The following EPHA6 variants were observed in gnomAD, a reference collection of about 807,000 sequenced individuals.
The protein encoded by EPHA6 is EPH receptor A6.
A neutral mutation model predicts 112.0 loss-of-function variants in EPHA6; 50 were observed. That is an observed-to-expected ratio of 0.45 (90% CI 0.36 to 0.56). The LOEUF is 0.56. Among genes scored for constraint, EPHA6 ranks in the 20% least tolerant of loss-of-function variants. The pLI, the probability that EPHA6 is intolerant of heterozygous loss-of-function variation, is 0.00. For synonymous variants in EPHA6, 529 were observed against 490.7 expected (o/e 1.08, Z -1.03); for missense variants, 1,280 against 1,417.4 (o/e 0.90, Z 1.56).
chr3:97,623,288 T>C (rs1394946556), intron 13 of EPHA6, among the ~76,000 whole-genome samples: 1 of 151,786 alleles, frequency 6.6e-6, no homozygotes, highest in Non-Finnish European at 1.5e-5. Context: ...ACATATGTTT[T>C]AGGTAAAGAT....
Position 97,142,736 on chromosome 3 carries a change from A to G in EPHA6, c.1115-83528A>G, listed in dbSNP as rs562933122. 3.3e-5 allele frequency among the ~76,000 whole-genome samples: 5 copies of G among 151,912 alleles called. No individual in the cohort carries two copies. In the South Asian group the frequency reaches 6.2e-4, roughly 19 times the overall value. ...ATTCACAGCCCAATCTTACCAGACT[A>G]TCTATCTCAATAGACACAGAAAAAG... On this transcript the variant is annotated intron_variant, in intron 3 of 17. Coordinates refer to ENST00000389672, the MANE Select transcript of EPHA6 (RefSeq NM_001080448.3).
At chr3:96,923,521 A>G (rs1030485007) in intron 2 of EPHA6, among the ~76,000 whole-genome samples, 1 of 151,708 alleles carries the variant, frequency 6.6e-6, no homozygotes, top group Admixed American at 6.6e-5. Flanking sequence ...TACCTTGTAG[A>G]TGCTGGATGT....
chr3:97,606,930 A>C (rs953780579), intron 12 of EPHA6, among the ~76,000 whole-genome samples: 1 of 151,080 alleles, frequency 6.6e-6, no homozygotes, highest in African/African-American at 2.4e-5. Context: ...TACAGTGATA[A>C]TCTAAGTTAT....
At chr3:97,695,075 G>T (rs1164924565) in intron 14 of EPHA6, among the ~76,000 whole-genome samples, 2 of 152,068 alleles carry the variant, frequency 1.3e-5, no homozygotes, top group African/African-American at 4.8e-5. Flanking sequence ...CCAGAGCAAA[G>T]GTACATGTGA....
At chr3:97,671,846 G>T (rs1017527423) in intron 14 of EPHA6, among the ~76,000 whole-genome samples, 1 of 151,642 alleles carries the variant, frequency 6.6e-6, no homozygotes, top group African/African-American at 2.4e-5. Context: ...AAAAAAAAAA[G>T]CAGAAATAGA....
At chr3:96,853,031 C>T (rs1414724869) in intron 1 of EPHA6, among the ~76,000 whole-genome samples, 1 of 152,086 alleles carries the variant, frequency 6.6e-6, no homozygotes, top group Non-Finnish European at 1.5e-5. Flanking sequence ...ATTTTGACTT[C>T]CGCATTCAGA....
chr3:97,614,200 A>T (rs2093743871), intron 13 of EPHA6, among the ~76,000 whole-genome samples: 1 of 152,020 alleles, frequency 6.6e-6, no homozygotes, highest in Admixed American at 6.6e-5. Context: ...CCACAAAAAA[A>T]TTCCTTTGTT....
intron 10 of EPHA6, among the ~76,000 whole-genome samples, chr3:97,493,625 G>C (rs767328795): frequency 1.9e-4 from 28 of 149,932 alleles, no homozygotes; most frequent in African/African-American, 6.6e-4. Context: ...TTAGTCCTCT[G>C]TGTGTGTGTG....
intron 3 of EPHA6, among the ~76,000 whole-genome samples, chr3:97,156,286 A>T (rs1456451691): frequency 1.3e-5 from 2 of 152,180 alleles, no homozygotes; most frequent in East Asian, 3.9e-4. Context: ...CCTGTGTGGT[A>T]AATGGCCATA....
At chr3:97,108,115 C>T (rs1299396794) in intron 3 of EPHA6, among the ~76,000 whole-genome samples, 2 of 152,126 alleles carry the variant, frequency 1.3e-5, no homozygotes, top group Non-Finnish European at 2.9e-5. Flanking sequence ...CTTTCCAAAT[C>T]ATGCAGTGCC....
At chr3:97,615,801 T>C (rs1442242271) in intron 13 of EPHA6, among the ~76,000 whole-genome samples, 2 of 152,158 alleles carry the variant, frequency 1.3e-5, no homozygotes, top group Non-Finnish European at 2.9e-5. Context: ...TCCTGTGTTC[T>C]CCAGCCCAAC....
At chr3:97,258,010 T>TA in intron 5 of EPHA6, among the ~76,000 whole-genome samples, 2 of 152,178 alleles carry the variant, frequency 1.3e-5, no homozygotes, top group Middle Eastern at 6.8e-3. Context: ...ATTATTTCTG[T>TA]AAAATTATTT....
chr3:97,094,241 G>A (rs2047167858), intron 3 of EPHA6, among the ~76,000 whole-genome samples: 1 of 151,946 alleles, frequency 6.6e-6, no homozygotes, highest in Non-Finnish European at 1.5e-5. Flanking sequence ...ATCTGTTTTT[G>A]TTTTCACGTG....
chr3:96,877,354 T>A (rs2037027875), intron 2 of EPHA6, among the ~76,000 whole-genome samples: 1 of 152,102 alleles, frequency 6.6e-6, no homozygotes, highest in Non-Finnish European at 1.5e-5. Context: ...AATGGAAAGA[T>A]ATTGACCTAC....
chr3:96,820,287 A>G (rs2033149307), intron 1 of EPHA6, among the ~76,000 whole-genome samples: 1 of 152,054 alleles, frequency 6.6e-6, no homozygotes, highest in Non-Finnish European at 1.5e-5. Context: ...ATCTATAGGG[A>G]GGTTTTGACC....
intron 14 of EPHA6, among the ~76,000 whole-genome samples, chr3:97,640,303 A>G (rs1258032827): frequency 6.6e-6 from 1 of 152,204 alleles, no homozygotes; most frequent in African/African-American, 2.4e-5. Flanking sequence ...GAATGGGCCT[A>G]TCGATGAAAA....
chr3:97,489,341 G>A (rs994388200), intron 10 of EPHA6, among the ~76,000 whole-genome samples: 4 of 152,232 alleles, frequency 2.6e-5, no homozygotes, highest in African/African-American at 9.6e-5. Flanking sequence ...TTTTATTTTT[G>A]TTACTACATT....
rs2036075639 is a variant in EPHA6, at chr3:97,758,346, T to C, written c.*9645T>C. 6.6e-6 allele frequency among the ~76,000 whole-genome samples: 1 copy of C among 151,564 alleles called. No homozygotes were observed. The highest frequency in any genetic ancestry group is 1.5e-5 in the Non-Finnish European group (1 of 67,878). On this transcript the variant is annotated 3_prime_UTR_variant, in exon 18 of 18. Transcript: ENST00000389672. ...TTAGTGTTTACCTCTTTAAACTATATAACAAATATAACCGTAGCAACAACA... is the reference window on the plus strand; with the variant it reads ...TTAGTGTTTACCTCTTTAAACTATACAACAAATATAACCGTAGCAACAACA...
intron 11 of EPHA6, among the ~76,000 whole-genome samples, chr3:97,588,857 A>G (rs2093516035): frequency 6.6e-6 from 1 of 152,284 alleles, no homozygotes; most frequent in South Asian, 2.1e-4. Context: ...TGTTAAGCAC[A>G]TGTGAAAATT....
Sources: gnomAD v4.1 joint callset for allele counts (sites outside exome capture counted in the v4.1 genomes callset) on GRCh38, gnomAD v4.1.1 for gene constraint, MANE v1.5 for transcripts, NCBI Gene and HGNC (gene_info 2026-07-23, HGNC 2026-07-21) for gene names.